B3GALT1: variants seen among roughly 807,000 people sequenced by gnomAD.
The protein encoded by B3GALT1 is beta-1,3-galactosyltransferase 1.
Under a neutral mutation model 23.2 loss-of-function variants are expected in B3GALT1, and 10 were observed. That is an observed-to-expected ratio of 0.43 (90% CI 0.27 to 0.73). The LOEUF is 0.73. Among genes scored for constraint, B3GALT1 ranks in the 30% least tolerant of loss-of-function variants. The pLI is 0.21. For missense variants in B3GALT1, 299 were observed against 405.4 expected, an observed-to-expected ratio of 0.74 and a Z score of 2.25; for synonymous variants, 156 against 141.5, an observed-to-expected ratio of 1.10 and a Z score of -0.73.
At chr2:167,654,801 CTT>C (rs5836154) in intron 3 of B3GALT1, among the ~76,000 whole-genome samples, 202 of 145,018 alleles carry the variant, frequency 1.4e-3, no homozygotes, top group Middle Eastern at 7.2e-3. Flanking sequence ...CAGCCTCTTT[CTT>C]TTTTTTTTTT....
chr2:167,350,696 C>T (rs1028233233), intron 1 of B3GALT1, among the ~76,000 whole-genome samples: 8 of 152,298 alleles, frequency 5.3e-5, no homozygotes, highest in South Asian at 4.1e-4. Context: ...GGGTTGGTGT[C>T]GGTCTACTGC....
At chr2:167,634,265 C>T (rs1685509898) in intron 2 of B3GALT1, among the ~76,000 whole-genome samples, 3 of 151,902 alleles carry the variant, frequency 2.0e-5, no homozygotes, top group Non-Finnish European at 4.4e-5. Context: ...CTAAAATCAA[C>T]ACCCTAACAT....
At chr2:167,353,128 C>A (rs1697343448) in intron 1 of B3GALT1, among the ~76,000 whole-genome samples, 2 of 152,176 alleles carry the variant, frequency 1.3e-5, no homozygotes, top group South Asian at 4.1e-4. Flanking sequence ...AATGGGTGTT[C>A]TACAGAGTTG....
intron 2 of B3GALT1, among the ~76,000 whole-genome samples, chr2:167,528,373 T>G (rs1180219504): frequency 6.6e-6 from 1 of 152,208 alleles, no homozygotes; most frequent in African/African-American, 2.4e-5. Flanking sequence ...TTGGTCTGTT[T>G]TGTGCGTCTG....
chr2:167,437,234 A>C (rs1698801319), intron 1 of B3GALT1, among the ~76,000 whole-genome samples: 1 of 152,186 alleles, frequency 6.6e-6, no homozygotes, highest in Non-Finnish European at 1.5e-5. Context: ...GTGGTCTGGG[A>C]TGGGCTAAGC....
At chr2:167,817,977 T>TA (rs1689028623) in intron 3 of B3GALT1, among the ~76,000 whole-genome samples, 1 of 152,150 alleles carries the variant, frequency 6.6e-6, no homozygotes, top group Non-Finnish European at 1.5e-5. Context: ...TGCGCATGCC[T>TA]AAAATCCCAG....
intron 1 of B3GALT1, among the ~76,000 whole-genome samples, chr2:167,432,284 G>A (rs935707357): frequency 2.0e-5 from 3 of 152,304 alleles, no homozygotes; most frequent in African/African-American, 7.2e-5. Context: ...ACCAATGGCT[G>A]TTGATCTGTA....
chr2:167,759,874 A>G (rs998526610), intron 3 of B3GALT1, among the ~76,000 whole-genome samples: 1 of 152,174 alleles, frequency 6.6e-6, no homozygotes, highest in Non-Finnish European at 1.5e-5. Flanking sequence ...ATAGATTTGC[A>G]TGGATTTTGT....
intron 2 of B3GALT1, among the ~76,000 whole-genome samples, chr2:167,570,788 G>A (rs761317686): frequency 7.2e-5 from 11 of 151,820 alleles, no homozygotes; most frequent in Non-Finnish European, 1.5e-4. Flanking sequence ...TGAAAACAAG[G>A]GGTTATATCA....
At chr2:167,808,228 C>A in intron 3 of B3GALT1, among the ~76,000 whole-genome samples, 1 of 150,960 alleles carries the variant, frequency 6.6e-6, no homozygotes, top group Admixed American at 6.6e-5. Flanking sequence ...CTGAATACAG[C>A]ACACTGATGG....
At chr2:167,857,633 G>T (rs144733794) in intron 4 of B3GALT1, among the ~76,000 whole-genome samples, 23 of 152,192 alleles carry the variant, frequency 1.5e-4, no homozygotes, top group Admixed American at 3.9e-4. Context: ...TGGAGAGCCA[G>T]CATAAATGAC....
At chr2:167,340,085 C>A (rs893764596) in intron 1 of B3GALT1, among the ~76,000 whole-genome samples, 1 of 152,142 alleles carries the variant, frequency 6.6e-6, no homozygotes, top group African/African-American at 2.4e-5. Context: ...GAGTGCATTT[C>A]TTGCATGTAT....
At chr2:167,360,958 TTGTC>T (rs1697490475) in intron 1 of B3GALT1, among the ~76,000 whole-genome samples, 2 of 152,196 alleles carry the variant, frequency 1.3e-5, no homozygotes, top group African/African-American at 4.8e-5. Context: ...CATGTGGACA[TTGTC>T]TTTCTGTACC....
chr2:167,388,138 T>C (rs1396513345), intron 1 of B3GALT1, among the ~76,000 whole-genome samples: 2 of 152,206 alleles, frequency 1.3e-5, no homozygotes, highest in African/African-American at 2.4e-5. Flanking sequence ...GGCATTAGAA[T>C]ACTAAATCCT....
intron 1 of B3GALT1, among the ~76,000 whole-genome samples, chr2:167,474,422 T>C (rs928126023): frequency 6.6e-6 from 1 of 152,208 alleles, no homozygotes; most frequent in Non-Finnish European, 1.5e-5. Flanking sequence ...ATGGTATTGA[T>C]ATTAACATCA....
intron 2 of B3GALT1, among the ~76,000 whole-genome samples, chr2:167,594,365 A>T (rs1006263406): frequency 6.6e-6 from 1 of 152,216 alleles, no homozygotes; most frequent in African/African-American, 2.4e-5. Context: ...TGGCACCATT[A>T]TTAAAAATAA....
intron 2 of B3GALT1, among the ~76,000 whole-genome samples, chr2:167,543,994 G>A (rs559994044): frequency 1.3e-4 from 20 of 152,348 alleles, no homozygotes; most frequent in African/African-American, 4.3e-4. Context: ...TTGGCTTATA[G>A]CCTTACAGTC....
chr2:167,517,748 A>G (rs929564247), intron 2 of B3GALT1, among the ~76,000 whole-genome samples: 2 of 152,086 alleles, frequency 1.3e-5, no homozygotes, highest in African/African-American at 2.4e-5. Flanking sequence ...TACCATGACT[A>G]TCTACTTTTA....
chr2:167,480,503 A>T (rs1574096835), intron 1 of B3GALT1, among the ~76,000 whole-genome samples: 1 of 152,144 alleles, frequency 6.6e-6, no homozygotes, highest in Non-Finnish European at 1.5e-5. Context: ...CTCCCATGAC[A>T]TCAAGCTAGA....
Sources: gnomAD v4.1 joint callset for allele counts (sites outside exome capture counted in the v4.1 genomes callset) on GRCh38, gnomAD v4.1.1 for gene constraint, MANE v1.5 for transcripts, NCBI Gene and HGNC (gene_info 2026-07-23, HGNC 2026-07-21) for gene names.